VPS13C: variants seen among roughly 807,000 people sequenced by gnomAD.
VPS13C encodes the protein vacuolar protein sorting 13 homolog C, also known as intermembrane lipid transfer protein VPS13C.
VPS13C carries 358 observed loss-of-function variants against 456.8 expected under a neutral mutation model. That is an observed-to-expected ratio of 0.78 (90% CI 0.72 to 0.86). VPS13C has a LOEUF of 0.86. Ranked by LOEUF, VPS13C falls within the 40% of genes least tolerant of loss-of-function variation. VPS13C has a pLI of 0.00. For missense variants in VPS13C, 4,818 were observed against 4,385.4 expected (o/e 1.10, Z -2.79); for synonymous variants, 1,578 against 1,486.7 (o/e 1.06, Z -1.41).
In VPS13C at chr15:62,060,198, G is replaced by A. The variant is rs909717972; in HGVS notation, c.100+77C>T. 1.0e-5 allele frequency: 8 copies of A among 790,660 alleles called. No homozygotes were observed. The African/African-American group carries it at 1.3e-4, about 13-fold the overall frequency. 49.0% of individuals were successfully genotyped at this position (790,660 alleles called of 1,614,324 possible). A position where few individuals can be genotyped will look rare whatever the true frequency, so the allele number is the denominator to read the frequency against. ...TCAGGCGGCGCAGGGAGCAGGGCCC[G>A]GGCAGAATCCCGGACGGAGCAGCCC... On this transcript the variant is annotated intron_variant, in intron 1 of 84. Coordinates refer to ENST00000644861, the MANE Select transcript of VPS13C (RefSeq NM_020821.3).
chr15:62,055,727 T>C (rs1019924863), intron 1 of VPS13C, among the ~76,000 whole-genome samples: 1 of 152,204 alleles, frequency 6.6e-6, no homozygotes. Flanking sequence ...ACTTAAGATA[T>C]CAATTTCTCT....
At chr15:61,914,505 G>A (rs754602113) in intron 61 of VPS13C, among the ~76,000 whole-genome samples, 5 of 151,762 alleles carry the variant, frequency 3.3e-5, no homozygotes, top group African/African-American at 4.8e-5. Context: ...GGAGGCGGAG[G>A]TTGCAGTGAG....
At position 62,037,330 on chromosome 15, in the gene VPS13C, ACATT is replaced by A. The variant is rs2048073916; in HGVS notation, c.188-2282_188-2279del. Reference sequence around the variant, plus strand: ...TATATAAATATATTATATATTATATACATTTATATATAATATATTATATATAAAT... The same window carrying A: ...TATATAAATATATTATATATTATATATATATATAATATATTATATATAAAT... On this transcript the variant is annotated intron_variant, in intron 3 of 84. Transcript: ENST00000644861. Among the ~76,000 whole-genome samples, 64 of 85,838 alleles carry A rather than the reference ACATT, an allele frequency of 7.5e-4. 10 individuals are homozygous for A. Among genetic ancestry groups the A allele is most frequent in the Middle Eastern group, 6.3e-3 (1 of 158 alleles). 56.3% of individuals were successfully genotyped at this position (85,838 alleles called of 152,430 possible).
chr15:61,983,911 A>G lies in VPS13C; in HGVS notation c.1823T>C (p.Leu608Pro). Residue 608 changes from leucine to proline, a missense_variant, in exon 20 of 85, where the codon CTT becomes CCT. By Grantham distance (98) the Leu-to-Pro change is moderately conservative. Coordinates refer to ENST00000644861, the MANE Select transcript of VPS13C (RefSeq NM_020821.3). ...ASIGDTTSSL[L>P]KIKFETNPED... is the part of the protein sequence containing the mutation. The stretch of plus-strand genomic sequence containing the variant: ...CGGATTGGTTTCAAATTTAATTTTA[A>G]GCAAGGATGATGTAGTGTCACCAAT... The G allele has an allele frequency of 6.2e-7, 1 of 1,614,160 alleles. No individual in the cohort carries two copies. Among genetic ancestry groups the G allele is most frequent in the East Asian group, 2.2e-5 (1 of 44,866 alleles).
intron 81 of VPS13C, 133 bp downstream of exon 81, chr15:61,868,526 T>C: frequency 1.3e-6 from 1 of 753,388 alleles, no homozygotes; most frequent in Non-Finnish European, 2.2e-6. Context: ...AACAATCAAA[T>C]TCTACTCTAG....
chr15:62,023,805 AG>A lies in VPS13C; in HGVS notation c.488del (p.Pro163LeufsTer28), dbSNP rs1567122386. 1 of 1,610,816 alleles carries A rather than the reference AG, an allele frequency of 6.2e-7. No individual in the cohort carries two copies. The highest frequency in any genetic ancestry group is 1.1e-5 in the South Asian group (1 of 90,728). On this transcript the variant is annotated frameshift_variant, in exon 7 of 85. Coordinates refer to ENST00000644861, the MANE Select transcript of VPS13C (RefSeq NM_020821.3). LOFTEE classifies it high-confidence loss of function. ...CTTTTGAACGATCAAGACCTTTAAA[AG>A]GTTTCTTAAAATGTTTTTTGTGCTT... ...RKKHKKHFKK[P>X]FKGLDRSKDK...
At chr15:61,927,594 C>A (rs370183835) in intron 51 of VPS13C, among the ~76,000 whole-genome samples, 1 of 152,128 alleles carries the variant, frequency 6.6e-6, no homozygotes, top group Non-Finnish European at 1.5e-5. Flanking sequence ...ACACTGTTGG[C>A]GGGACTGTAA....
At chr15:62,050,349 A>G (rs2048575592) in intron 1 of VPS13C, among the ~76,000 whole-genome samples, 1 of 152,176 alleles carries the variant, frequency 6.6e-6, no homozygotes, top group South Asian at 2.1e-4. Context: ...GGCCCATGGG[A>G]GGAGGGTAGA....
At chr15:61,975,360 A>G (rs939777234) in intron 24 of VPS13C, among the ~76,000 whole-genome samples, 2 of 152,070 alleles carry the variant, frequency 1.3e-5, no homozygotes, top group African/African-American at 4.8e-5. Flanking sequence ...AGATCAACAA[A>G]ATTGATAAAC....
chr15:62,035,115 C>T, intron 3 of VPS13C, 63 bp from the exon 4 acceptor site: 1 of 1,240,456 alleles, frequency 8.1e-7, no homozygotes, highest in Non-Finnish European at 1.2e-6. Context: ...AAAAATTTCT[C>T]ACTTTCCATT....
chr15:61,998,520 T>C (rs2046472129), intron 16 of VPS13C, among the ~76,000 whole-genome samples: 1 of 152,208 alleles, frequency 6.6e-6, no homozygotes, highest in Admixed American at 6.5e-5. Flanking sequence ...GAGGTACTCC[T>C]AACAATAACC....
intron 82 of VPS13C, among the ~76,000 whole-genome samples, chr15:61,862,116 A>G (rs548830814): frequency 1.4e-4 from 22 of 152,162 alleles, no homozygotes; most frequent in Non-Finnish European, 2.1e-4. Context: ...AAGAAAGAAA[A>G]GGAAAAAGAA....
chr15:61,999,504 T>TA (rs2046522564), intron 16 of VPS13C, among the ~76,000 whole-genome samples: 1 of 152,218 alleles, frequency 6.6e-6, no homozygotes, highest in African/African-American at 2.4e-5. Flanking sequence ...TAATCTCATT[T>TA]AAAAGTATGA....
chr15:62,037,299 A>AT (rs1567136823), intron 3 of VPS13C, among the ~76,000 whole-genome samples: 1 of 63,966 alleles, frequency 1.6e-5, no homozygotes, highest in African/African-American at 6.5e-5. Flanking sequence ...TATATTATAT[A>AT]ATATATATAT....
chr15:61,909,269 G>A (rs372078597), intron 64 of VPS13C, 144 bp from the exon 65 acceptor site: 10 of 965,528 alleles, frequency 1.0e-5, no homozygotes, highest in South Asian at 3.5e-5. Flanking sequence ...GTACAGTGGC[G>A]CCATCTCGGG....
chr15:61,948,448 G>A (rs2044679940), intron 42 of VPS13C, among the ~76,000 whole-genome samples: 2 of 152,032 alleles, frequency 1.3e-5, no homozygotes, highest in South Asian at 2.1e-4. Flanking sequence ...TTGGGAGACC[G>A]AGGCAGGTGG....
At chr15:61,947,774 C>T (rs2044655875) in intron 42 of VPS13C, among the ~76,000 whole-genome samples, 2 of 152,136 alleles carry the variant, frequency 1.3e-5, no homozygotes, top group African/African-American at 4.8e-5. Context: ...ATGTTATTAA[C>T]TACATGATAA....
At chr15:61,893,721 C>T (rs909908514) in intron 66 of VPS13C, among the ~76,000 whole-genome samples, 1 of 151,690 alleles carries the variant, frequency 6.6e-6, no homozygotes, top group Non-Finnish European at 1.5e-5. Flanking sequence ...ATTGAGACAA[C>T]AGAATGCCAA....
chr15:61,883,212 T>TG (rs1183157967), intron 68 of VPS13C, among the ~76,000 whole-genome samples: 3 of 150,952 alleles, frequency 2.0e-5, no homozygotes, highest in Non-Finnish European at 3.0e-5. Context: ...TCTTTTTTTT[T>TG]TTTTTGTAGA....
Sources: allele counts gnomAD v4.1 joint callset (sites outside exome capture counted in the v4.1 genomes callset), GRCh38; gene constraint gnomAD v4.1.1; transcripts MANE v1.5; gene names NCBI Gene and HGNC (gene_info 2026-07-23, HGNC 2026-07-21).